The following CTDP1 variants were observed in gnomAD, a reference collection of about 807,000 sequenced individuals.
CTDP1 encodes RNA polymerase II subunit A C-terminal domain phosphatase.
CTDP1 carries 47 observed loss-of-function variants against 91.8 expected under a neutral mutation model. The ratio of observed to expected loss-of-function variants is 0.51; its 90% CI spans 0.41 to 0.65. The LOEUF (loss-of-function observed/expected upper bound fraction) is 0.65. CTDP1 is among the 30% of genes least tolerant of loss of function. The pLI, the probability that CTDP1 is intolerant of heterozygous loss-of-function variation, is 0.00. For missense variants in CTDP1, 1,272 were observed against 1,373.7 expected, an observed-to-expected ratio of 0.93 and a Z score of 1.17; for synonymous variants, 656 against 598.5, an observed-to-expected ratio of 1.10 and a Z score of -1.40.
chr18:79,734,620 G>A (rs1439717157), intron 11 of CTDP1, among the ~76,000 whole-genome samples: 11 of 151,982 alleles, frequency 7.2e-5, no homozygotes, highest in South Asian at 4.1e-4. Context: ...GTGGGCTGCC[G>A]TGCTGGCCGG....
chr18:79,728,450 G>A (rs969498309), intron 10 of CTDP1, among the ~76,000 whole-genome samples: 8 of 152,128 alleles, frequency 5.3e-5, no homozygotes, highest in African/African-American at 1.9e-4. Context: ...TCACTTGGCC[G>A]TTTTTTGTGT....
chr18:79,751,467 G>A (rs1378179817), intron 12 of CTDP1, among the ~76,000 whole-genome samples: 1 of 152,166 alleles, frequency 6.6e-6, no homozygotes, highest in East Asian at 1.9e-4. Context: ...CCTGGACCAC[G>A]AACAGTTGGG....
chr18:79,685,377 A>G (rs2085473678), intron 1 of CTDP1: 2 of 152,044 alleles, frequency 1.3e-5, no homozygotes, highest in African/African-American at 4.8e-5. Context: ...TTAAATCGCC[A>G]CAGAAAGGGG....
chr18:79,700,300 A>T (rs1255339604), intron 4 of CTDP1, among the ~76,000 whole-genome samples: 1 of 152,250 alleles, frequency 6.6e-6, no homozygotes, highest in Non-Finnish European at 1.5e-5. Context: ...AAAGGCTGCA[A>T]GCTGGTCCTC....
intron 11 of CTDP1, among the ~76,000 whole-genome samples, chr18:79,730,005 A>C (rs947433235): frequency 6.6e-6 from 1 of 152,228 alleles, no homozygotes; most frequent in African/African-American, 2.4e-5. Context: ...TGAGGAGGAA[A>C]ACAGCTCCTG....
intron 4 of CTDP1, among the ~76,000 whole-genome samples, chr18:79,699,835 G>A (rs1035485100): frequency 9.2e-5 from 14 of 152,184 alleles, no homozygotes; most frequent in African/African-American, 2.9e-4. Flanking sequence ...TGTGCCCCCA[G>A]GTGTTGTGCC....
intron 5 of CTDP1, among the ~76,000 whole-genome samples, chr18:79,707,487 G>A (rs2085991058): frequency 6.6e-6 from 1 of 152,254 alleles, no homozygotes; most frequent in South Asian, 2.1e-4. Flanking sequence ...GACCAGCTAG[G>A]TTTGTTGAGC....
rs1165323132 is a variant in CTDP1 at position 79,754,014 on chromosome 18, G to T, written c.*224G>T. On this transcript the variant is annotated 3_prime_UTR_variant, in exon 13 of 13. Transcript: ENST00000613122. ...TAAGTGACAGGTGTTAAAGGCCCAG[G>T]TGTGCTGTGCCAAAGAGCTCAGCAG... 9.3e-6 allele frequency: 6 copies of T among 642,108 alleles called. No individual in the cohort carries two copies. In the East Asian group the frequency reaches 1.5e-4, roughly 16 times the overall value. 39.8% of individuals were successfully genotyped at this position (642,108 alleles called of 1,614,324 possible).
chr18:79,697,175 C>T (rs1274117523), intron 3 of CTDP1, among the ~76,000 whole-genome samples: 2 of 152,232 alleles, frequency 1.3e-5, no homozygotes, highest in African/African-American at 4.8e-5. Context: ...CCTGCCAGCC[C>T]TTCCGTGCGT....
chr18:79,679,829 G>A lies in CTDP1; in HGVS notation c.-119G>A. On this transcript the variant is annotated 5_prime_UTR_variant, in exon 1 of 13. Transcript: ENST00000613122. ...AGTCGGCGCGGGCTAGGCGACGGGTGGAAGCCGGTACCGAGAGGAACTACA... is the reference window on the plus strand; with the variant it reads ...AGTCGGCGCGGGCTAGGCGACGGGTAGAAGCCGGTACCGAGAGGAACTACA... 1 of 1,016,324 alleles carries A rather than the reference G, an allele frequency of 9.8e-7. No homozygotes were observed. Among genetic ancestry groups the A allele is most frequent in the Non-Finnish European group, 1.4e-6 (1 of 740,256 alleles). 63.0% of individuals were successfully genotyped at this position (1,016,324 alleles called of 1,614,324 possible). A position where few individuals can be genotyped will look rare whatever the true frequency, so the allele number is the denominator to read the frequency against.
chr18:79,712,086 C>T (rs138363521), intron 6 of CTDP1, among the ~76,000 whole-genome samples: 6 of 127,388 alleles, frequency 4.7e-5, no homozygotes, highest in Admixed American at 1.6e-4. Context: ...TGCTAGTTAG[C>T]GCCAGAGTGA....
At chr18:79,741,677 A>G (rs891656984) in intron 12 of CTDP1, among the ~76,000 whole-genome samples, 5 of 152,198 alleles carry the variant, frequency 3.3e-5, no homozygotes, top group Non-Finnish European at 7.3e-5. Context: ...TCTTCTCCAC[A>G]GGGGTGTGTG....
chr18:79,727,403 C>T (rs771470843), intron 10 of CTDP1, among the ~76,000 whole-genome samples: 4 of 150,272 alleles, frequency 2.7e-5, no homozygotes, highest in South Asian at 2.1e-4. Flanking sequence ...ACGGTGTTCA[C>T]GGGATGGGAA....
chr18:79,719,508 GTGA>G (rs1379275526), intron 10 of CTDP1, among the ~76,000 whole-genome samples: 1 of 152,188 alleles, frequency 6.6e-6, no homozygotes, highest in African/African-American at 2.4e-5. Context: ...AGGTGTCCTC[GTGA>G]TGATGTCACC....
At chr18:79,740,399 A>C (rs893730395) in intron 12 of CTDP1, among the ~76,000 whole-genome samples, 1 of 152,232 alleles carries the variant, frequency 6.6e-6, no homozygotes, top group Non-Finnish European at 1.5e-5. Context: ...CTTCTTCCTT[A>C]AAGACCAGGG....
chr18:79,679,739 C>T (rs1490002601), upstream of CTDP1: 15 of 513,840 alleles, frequency 2.9e-5, no homozygotes, highest in Non-Finnish European at 5.3e-5. Flanking sequence ...GCGCGGCGCT[C>T]GTATTTACAC....
At chr18:79,705,350 G>T (rs1396599798) in intron 5 of CTDP1, among the ~76,000 whole-genome samples, 1 of 152,202 alleles carries the variant, frequency 6.6e-6, no homozygotes, top group African/African-American at 2.4e-5. Flanking sequence ...GTCTCCCTGG[G>T]TGATAGCGTG....
At chr18:79,679,748 A>G, upstream of CTDP1, 1 of 522,838 alleles carries the variant, frequency 1.9e-6, no homozygotes, top group South Asian at 2.0e-5. Context: ...TCGTATTTAC[A>G]CGCGCACGTA....
chr18:79,710,468 C>G, intron 6 of CTDP1, 32 bp downstream of exon 6: 1 of 1,458,310 alleles, frequency 6.9e-7, no homozygotes, highest in Non-Finnish European at 9.6e-7. Context: ...TCACAAAGAC[C>G]TCGCTGTTCA....
Sources: gnomAD v4.1 joint callset for allele counts (sites outside exome capture counted in the v4.1 genomes callset) on GRCh38, gnomAD v4.1.1 for gene constraint, MANE v1.5 for transcripts, NCBI Gene and HGNC (gene_info 2026-07-23, HGNC 2026-07-21) for gene names.